DHX8: variants seen among roughly 807,000 people sequenced by gnomAD.
DHX8 encodes DEAH-box helicase 8.
Under a neutral mutation model 140.7 loss-of-function variants are expected in DHX8, and 67 were observed. That is an observed-to-expected ratio of 0.48 (90% CI 0.39 to 0.58). The LOEUF is 0.58. Ranked by LOEUF, DHX8 falls within the 20% of genes least tolerant of loss-of-function variation. The pLI, the probability that DHX8 is intolerant of heterozygous loss-of-function variation, is 0.00. For synonymous variants in DHX8, 533 were observed against 553.2 expected (o/e 0.96, Z 0.51); for missense variants, 887 against 1,550.7 (o/e 0.57, Z 7.19).
Position 43,524,508 on chromosome 17 carries a change from C to G in DHX8, c.*661C>G. On this transcript the variant is annotated 3_prime_UTR_variant, in exon 23 of 23. Transcript: ENST00000262415. The stretch of plus-strand genomic sequence containing the variant: ...AACCCAGACTTCCAGCCTTGTCTTT[C>G]AGCATCAGCACTAGCCGGGCCGTGC... 1.0e-6 allele frequency: 1 copy of G among 987,038 alleles called. No homozygotes were observed. Among genetic ancestry groups the G allele is most frequent in the South Asian group, 4.7e-5 (1 of 21,340 alleles). The allele number at this position is 987,038 out of a possible 1,614,324, so 61.1% of individuals were successfully genotyped here.
At chr17:43,517,385 G>A in intron 18 of DHX8, 63 bp downstream of exon 18, 1 of 1,537,386 alleles carries the variant, frequency 6.5e-7, no homozygotes. Context: ...CTTCATAAAT[G>A]AATTTCAGTT....
At chr17:43,505,532 G>A (rs1969447665) in intron 12 of DHX8, among the ~76,000 whole-genome samples, 2 of 152,122 alleles carry the variant, frequency 1.3e-5, no homozygotes, top group South Asian at 4.1e-4. Context: ...TCACACCACT[G>A]CACTCCAGCC....
At position 43,525,071 on chromosome 17, in the gene DHX8, G is replaced by A; in HGVS notation, c.*1224G>A. 1 of 985,490 alleles carries A rather than the reference G, an allele frequency of 1.0e-6. No individual in the cohort carries two copies. The highest frequency in any genetic ancestry group is 1.2e-6 in the Non-Finnish European group (1 of 830,022). 61.0% of individuals were successfully genotyped at this position (985,490 alleles called of 1,614,324 possible). ...TGCCTCCCAAAGCGCTGGGATTACA[G>A]TTGAGAGCCACTGTCCTCTGCACTG... On this transcript the variant is annotated 3_prime_UTR_variant, in exon 23 of 23. Transcript: ENST00000262415.
rs1449745087 is a variant in DHX8 at position 43,533,095 on chromosome 17, C to G, written c.351-3317C>G. On this transcript the variant is annotated intron_variant, in intron 2 of 3. Coordinates refer to the DHX8 transcript ENST00000589898. ...CTTTCTATTCCACTGCCCCCTGCCTCTACCACCCCACAGCTCAAGTCTTTA... is the reference window on the plus strand; with the variant it reads ...CTTTCTATTCCACTGCCCCCTGCCTGTACCACCCCACAGCTCAAGTCTTTA... 4 of 1,539,052 alleles carry G rather than the reference C, an allele frequency of 2.6e-6. No homozygotes were observed. In the East Asian group the frequency reaches 9.0e-5, roughly 35 times the overall value.
rs545087932 is a variant in DHX8, at chr17:43,498,853, G to C, written c.1301-9G>C. The C allele has an allele frequency of 2.5e-6, 4 of 1,586,526 alleles. No individual in the cohort carries two copies. The Admixed American group carries it at 7.4e-5, about 29-fold the overall frequency. ...TTATGGCTAATTCTTCTTTTGGGGG[G>C]ACTTTTAGATGAGGACCTTGAGATT... On this transcript the variant is annotated splice_polypyrimidine_tract_variant and intron_variant, in intron 9 of 22. Coordinates refer to ENST00000262415, the MANE Select transcript of DHX8 (RefSeq NM_004941.3).
At chr17:43,518,510 G>C (rs1322011830) in intron 18 of DHX8, 2 of 152,190 alleles carry the variant, frequency 1.3e-5, no homozygotes, top group African/African-American at 4.8e-5. Flanking sequence ...AACATGGTAT[G>C]AGATCCCTCA....
At chr17:43,541,996 C>T (rs1284072010) in intron 3 of DHX8, among the ~76,000 whole-genome samples, 2 of 152,178 alleles carry the variant, frequency 1.3e-5, no homozygotes, top group Non-Finnish European at 2.9e-5. Context: ...TTTTACTTCA[C>T]TCTTGCAGCA....
downstream of DHX8, chr17:43,526,007 T>A: frequency 1.0e-6 from 1 of 985,384 alleles, no homozygotes; most frequent in Non-Finnish European, 1.2e-6. Flanking sequence ...CTGTGGGTGT[T>A]CCTTGACCAT....
Position 43,538,072 on chromosome 17 carries a change from C to T in DHX8, c.*20+1574C>T, listed in dbSNP as rs111721190. ...AAGAGAATGGCGTGAACCTGGGAGG[C>T]GGAGCTTGTAGTGAGCCAAGATCAG... On this transcript the variant is annotated intron_variant, in intron 3 of 3. Coordinates refer to the DHX8 transcript ENST00000589898. 1.4e-4 allele frequency among the ~76,000 whole-genome samples: 21 copies of T among 148,542 alleles called. 1 individual carries two copies. Among genetic ancestry groups the T allele is most frequent in the African/African-American group, 5.0e-4 (20 of 40,054 alleles).
chr17:43,533,956 T>G, intron 2 of DHX8: 1 of 1,543,012 alleles, frequency 6.5e-7, no homozygotes, highest in Non-Finnish European at 8.7e-7. Flanking sequence ...GGCTCCTTCT[T>G]GATCCTGGTG....
Position 43,492,965 on chromosome 17 carries a change from C to T in DHX8, c.788C>T (p.Thr263Ile), listed in dbSNP as rs1024195130. The change falls in exon 6 of 23, where the codon ACC becomes ATC. Residue 263 changes from threonine to isoleucine, a missense_variant. This residue lies in a region of DHX8 where 304 missense variants were observed against 306.9 expected (regional missense o/e 0.99). Transcript: ENST00000262415. ...HVDRPPPEEP[T>I]IGDIYNGKVT... Reference sequence around the variant, plus strand: ...GACCGCCCTCCTCCAGAAGAGCCCACCATTGGTGACATTTATAATGGCAAA... The same window carrying T: ...GACCGCCCTCCTCCAGAAGAGCCCATCATTGGTGACATTTATAATGGCAAA... 6.2e-7 allele frequency: 1 copy of T among 1,614,052 alleles called. No individual in the cohort carries two copies. The highest frequency in any genetic ancestry group is 2.2e-5 in the East Asian group (1 of 44,892).
Position 43,524,875 on chromosome 17 carries a change from G to A in DHX8, c.*1028G>A. The A allele has an allele frequency of 1.0e-6, 1 of 985,248 alleles. No individual in the cohort carries two copies. Among genetic ancestry groups the A allele is most frequent in the Middle Eastern group, 5.2e-4 (1 of 1,912 alleles). The allele number at this position is 985,248 out of a possible 1,614,324, so 61.0% of individuals were successfully genotyped here. A position where few individuals can be genotyped will look rare whatever the true frequency, so the allele number is the denominator to read the frequency against. ...GTGCTGCCAGTATCTGTGCTGCAGG[G>A]CTTGTTCTTAGTGGTTTTTTCCTAG... On this transcript the variant is annotated 3_prime_UTR_variant, in exon 23 of 23. Transcript: ENST00000262415.
At chr17:43,504,519 C>A in intron 11 of DHX8, 125 bp from the exon 12 acceptor site, 2 of 913,302 alleles carry the variant, frequency 2.2e-6, no homozygotes, top group Non-Finnish European at 3.3e-6. Context: ...TCTTTGAGTA[C>A]TTTTGATCAC....
chr17:43,487,080 G>T (rs1968203532), intron 1 of DHX8, among the ~76,000 whole-genome samples: 1 of 152,098 alleles, frequency 6.6e-6, no homozygotes, highest in Admixed American at 6.6e-5. Flanking sequence ...GTAGGTCAGT[G>T]TCTCAAACCG....
downstream of DHX8, chr17:43,526,403 C>T: frequency 2.0e-6 from 3 of 1,521,942 alleles, no homozygotes; most frequent in Non-Finnish European, 2.6e-6. Context: ...CCCTATGGGG[C>T]ATGTGTGAGC....
At position 43,511,616 on chromosome 17, in the gene DHX8, C is replaced by A. The variant is rs544999150; in HGVS notation, c.2503-1746C>A. On this transcript the variant is annotated intron_variant, in intron 16 of 22. Transcript: ENST00000262415. Reference sequence around the variant, plus strand: ...GGGATTACAGGCATGTGCCACCATGCCTGGCTAATTTTTGTATTTTTAGTA... The same window carrying A: ...GGGATTACAGGCATGTGCCACCATGACTGGCTAATTTTTGTATTTTTAGTA... Among the ~76,000 whole-genome samples, 165 of 150,822 alleles carry A rather than the reference C, an allele frequency of 1.1e-3. 1 individual carries two copies. Among genetic ancestry groups the A allele is most frequent in the Admixed American group, 2.8e-3 (42 of 15,176 alleles).
intron 10 of DHX8, among the ~76,000 whole-genome samples, chr17:43,499,615 T>G (rs1270344341): frequency 1.3e-5 from 2 of 152,186 alleles, no homozygotes; most frequent in Non-Finnish European, 2.9e-5. Flanking sequence ...CCTCGCTCAC[T>G]GAAGTGTCCA....
At chr17:43,533,457 A>C (rs998536551) in intron 2 of DHX8, 1 of 1,084,152 alleles carries the variant, frequency 9.2e-7, no homozygotes, top group Admixed American at 2.5e-5. Flanking sequence ...AGAAGGAAGG[A>C]TAGAGGGGGC....
chr17:43,510,097 G>A (rs957761992), intron 16 of DHX8, among the ~76,000 whole-genome samples: 5 of 152,116 alleles, frequency 3.3e-5, no homozygotes, highest in Admixed American at 1.3e-4. Context: ...TGCCGAGGCT[G>A]GAGTGCAATG....
Sources: allele counts gnomAD v4.1 joint callset (sites outside exome capture counted in the v4.1 genomes callset), GRCh38; gene constraint gnomAD v4.1.1; regional missense constraint gnomAD v4.1.1; transcripts MANE v1.5; gene names NCBI Gene and HGNC (gene_info 2026-07-23, HGNC 2026-07-21).